PLXNA2: variants seen among roughly 807,000 people sequenced by gnomAD.
PLXNA2 encodes plexin A2.
A neutral mutation model predicts 193.5 loss-of-function variants in PLXNA2; 91 were observed. That is an observed-to-expected ratio of 0.47 (90% CI 0.40 to 0.56). PLXNA2 has a LOEUF of 0.56. Ranked by LOEUF, PLXNA2 falls within the 20% of genes least tolerant of loss-of-function variation. The pLI is 0.00. For synonymous variants in PLXNA2, 997 were observed against 1,027.3 expected (o/e 0.97, Z 0.56); for missense variants, 1,995 against 2,503.2 (o/e 0.80, Z 4.33).
chr1:208,131,586 G>A (rs966193195), intron 4 of PLXNA2, among the ~76,000 whole-genome samples: 2 of 152,140 alleles, frequency 1.3e-5, no homozygotes, highest in South Asian at 2.1e-4. Flanking sequence ...TTAAGATGGG[G>A]AACACAGGAG....
chr1:208,064,648 C>T (rs557409993), intron 12 of PLXNA2, among the ~76,000 whole-genome samples: 46 of 152,326 alleles, frequency 3.0e-4, no homozygotes, highest in African/African-American at 1.1e-3. Flanking sequence ...GTAAGCCTTC[C>T]AGGCAGCTGA....
intron 1 of PLXNA2, among the ~76,000 whole-genome samples, chr1:208,234,319 T>C (rs1423973466): frequency 6.6e-6 from 1 of 152,172 alleles, no homozygotes. Flanking sequence ...ACCAAACACC[T>C]ATTTATTCTG....
At position 208,096,065 on chromosome 1, in the gene PLXNA2, G is replaced by A. The variant is rs1666876299; in HGVS notation, c.1946C>T (p.Thr649Ile). The A allele has an allele frequency of 1.2e-6, 2 of 1,614,088 alleles. No homozygotes were observed. The highest frequency in any genetic ancestry group is 2.2e-5 in the South Asian group (2 of 91,070). ...ACTGCAGTTGTAAAACTTGAACTCG[G>A]TGCTGACAAATATCTTCCCTGTCTC... ...SKETGKIFVS[T>I]EFKFYNCSAH... The change falls in exon 8 of 32, where the codon ACC becomes ATC. Residue 649 changes from threonine (T) to isoleucine (I), a missense_variant. Thr to Ile is a moderately conservative substitution (Grantham distance 89). Transcript: ENST00000367033.
At position 208,217,117 on chromosome 1, in the gene PLXNA2, T is replaced by G. The variant is rs1176124383; in HGVS notation, c.806A>C (p.Asn269Thr). The G allele has an allele frequency of 1.9e-6, 3 of 1,613,842 alleles. No homozygotes were observed. The highest frequency in any genetic ancestry group is 2.2e-5 in the South Asian group (2 of 91,058). Residue 269 changes from asparagine (N) to threonine (T), a missense_variant, in exon 2 of 32, where the codon AAC becomes ACC. Physicochemically the swap from Asn to Thr is moderately conservative, Grantham distance 65. Transcript: ENST00000367033. This position sits in a 1 kb window ranked among gnomAD's most constrained non-coding sequence, Gnocchi z 4.7. ...QPETPEGVAI[N>T]SAGDLFYTSR... ...GGTGTAGAAGAGGTCTCCAGCGGAG[T>G]TGATGGCCACACCCTCAGGGGTCTC... is the stretch of plus-strand genomic sequence containing the variant.
intron 29 of PLXNA2, chr1:208,031,253 G>T: frequency 8.8e-7 from 1 of 1,130,658 alleles, no homozygotes; most frequent in Non-Finnish European, 1.1e-6. Context: ...GCAGCTCTTT[G>T]CATAGGTTCC....
chr1:208,053,012 A>G (rs1665313959), intron 14 of PLXNA2, among the ~76,000 whole-genome samples: 1 of 152,188 alleles, frequency 6.6e-6, no homozygotes, highest in Non-Finnish European at 1.5e-5. Context: ...GACCCTCATC[A>G]GGAGGATGGC....
At chr1:208,132,823 T>TA (rs1176818011) in intron 4 of PLXNA2, among the ~76,000 whole-genome samples, 1 of 152,110 alleles carries the variant, frequency 6.6e-6, no homozygotes, top group Non-Finnish European at 1.5e-5. Context: ...ATGCATTAAT[T>TA]AATTTAATCT....
At chr1:208,145,832 A>C (rs1282119373) in intron 3 of PLXNA2, among the ~76,000 whole-genome samples, 2 of 152,240 alleles carry the variant, frequency 1.3e-5, no homozygotes, top group South Asian at 2.1e-4. Context: ...TAAGTCTCAA[A>C]TGTCAGAGGT....
chr1:208,210,549 T>TG (rs1670908112), intron 2 of PLXNA2, 87 bp from the exon 3 acceptor site: 2 of 1,210,046 alleles, frequency 1.7e-6, no homozygotes, highest in East Asian at 2.6e-5. Context: ...CTTCCAGCCT[T>TG]AGGACACCAG....
chr1:208,116,712 G>T (rs1667648749), intron 4 of PLXNA2, among the ~76,000 whole-genome samples: 1 of 152,048 alleles, frequency 6.6e-6, no homozygotes. Flanking sequence ...AAATATTATT[G>T]GATGTTAAAA....
chr1:208,134,390 T>C lies in PLXNA2; in HGVS notation c.1506+7939A>G, dbSNP rs6668446. On this transcript the variant is annotated intron_variant, in intron 4 of 31. Transcript: ENST00000367033. ...TGCCTGCACCCACAGCCCCGGGAGG[T>C]GGGAGGCAGGACTCCGCCCTTTCTT... Among the ~76,000 whole-genome samples the C allele has an allele frequency of 3.0e-3, 452 of 151,834 alleles. 2 individuals carry two copies. Among genetic ancestry groups the C allele is most frequent in the African/African-American group, 0.01 (425 of 41,372 alleles).
chr1:208,104,672 T>C (rs1667204870), intron 4 of PLXNA2, among the ~76,000 whole-genome samples: 1 of 151,984 alleles, frequency 6.6e-6, no homozygotes, highest in South Asian at 2.1e-4. Flanking sequence ...GTACAGTGGG[T>C]GGGAGGGGAG....
intron 14 of PLXNA2, among the ~76,000 whole-genome samples, chr1:208,052,774 T>C (rs1262519212): frequency 6.6e-6 from 1 of 152,188 alleles, no homozygotes; most frequent in African/African-American, 2.4e-5. Flanking sequence ...CGTTTACAAA[T>C]TGAGAACAAT....
chr1:208,158,371 C>G (rs770501049), intron 3 of PLXNA2, among the ~76,000 whole-genome samples: 2 of 152,170 alleles, frequency 1.3e-5, no homozygotes. Context: ...CTCCCTGTGT[C>G]TGTCTCCTCT....
intron 9 of PLXNA2, among the ~76,000 whole-genome samples, chr1:208,088,050 G>A (rs950326661): frequency 2.6e-5 from 4 of 152,174 alleles, no homozygotes; most frequent in East Asian, 1.9e-4. Context: ...GATTGCTACC[G>A]CGGATCCTCA....
At chr1:208,137,747 A>G (rs1222902209) in intron 4 of PLXNA2, among the ~76,000 whole-genome samples, 1 of 152,214 alleles carries the variant, frequency 6.6e-6, no homozygotes, top group African/African-American at 2.4e-5. Context: ...ACGACCCAAC[A>G]CTTACTAGTC....
In PLXNA2 at chr1:208,244,245, G is replaced by A; in HGVS notation, c.-683C>T. On this transcript the variant is annotated 5_prime_UTR_variant, in exon 1 of 32. Coordinates refer to ENST00000367033, the MANE Select transcript of PLXNA2 (RefSeq NM_025179.4). ...AAATTCCCAGCAACTGCCCTCCGCCGCCCTCCCGCTCCAGTCTGGCGCGGA... is the reference window on the plus strand; with the variant it reads ...AAATTCCCAGCAACTGCCCTCCGCCACCCTCCCGCTCCAGTCTGGCGCGGA... The A allele has an allele frequency of 5.5e-6, 1 of 181,620 alleles. No individual in the cohort carries two copies. Among genetic ancestry groups the A allele is most frequent in the Non-Finnish European group, 1.1e-5 (1 of 88,274 alleles). 11.3% of individuals were successfully genotyped at this position (181,620 alleles called of 1,614,324 possible).
rs780199347 is a variant in PLXNA2 at position 208,096,781 on chromosome 1, T to C, written c.1834A>G (p.Ile612Val). ...VEGQVSGSQV[I>V]CISPGPKDVP... The stretch of plus-strand genomic sequence containing the variant: ...TCCTTGGGCCCAGGTGAGATGCAGA[T>C]GACCTGGCTCCCGGACACCTGCCCC... The change falls in exon 7 of 32, where the codon ATC becomes GTC. Residue 612 changes from isoleucine (I) to valine (V), a missense_variant. Transcript: ENST00000367033. The C allele has an allele frequency of 6.2e-7, 1 of 1,614,172 alleles. No homozygotes were observed. The highest frequency in any genetic ancestry group is 1.3e-5 in the African/African-American group (1 of 75,052).
At chr1:208,100,623 C>T (rs1370806790) in intron 5 of PLXNA2, among the ~76,000 whole-genome samples, 1 of 152,164 alleles carries the variant, frequency 6.6e-6, no homozygotes, top group Non-Finnish European at 1.5e-5. Context: ...TATTTGAAGG[C>T]AGTGGCCATG....
Sources: gnomAD v4.1 joint callset for allele counts (sites outside exome capture counted in the v4.1 genomes callset) on GRCh38, gnomAD v4.1.1 for gene constraint, Gnocchi (gnomAD v3.1) non-coding constraint, MANE v1.5 for transcripts, NCBI Gene and HGNC (gene_info 2026-07-23, HGNC 2026-07-21) for gene names.